Variants in OTOF observed in about 807,000 individuals in gnomAD.
OTOF encodes the protein fer-1-like family member 2.
OTOF carries 218 observed loss-of-function variants against 236.8 expected under a neutral mutation model. The ratio of observed to expected loss-of-function variants is 0.92; its 90% CI spans 0.82 to 1.03. OTOF has a LOEUF of 1.03. Among genes scored for constraint, OTOF ranks in the 50% least tolerant of loss-of-function variants. OTOF has a pLI of 0.00. For synonymous variants in OTOF, 1,041 were observed against 1,072.5 expected (o/e 0.97, Z 0.57); for missense variants, 2,590 against 2,694.4 (o/e 0.96, Z 0.86).
Position 26,475,539 on chromosome 2 carries a change from G to A in OTOF, c.2992-46C>T, listed in dbSNP as rs111746551. The A allele has an allele frequency of 1.2e-5, 19 of 1,602,954 alleles. No individual in the cohort carries two copies. In the South Asian group the frequency reaches 1.8e-4, roughly 15 times the overall value. ...ACAGGGGACAAGTGACAGAGGGGGG[G>A]GCAGATGCACAAACAGAAGCCACCC... is the stretch of plus-strand genomic sequence containing the variant. On this transcript the variant is annotated intron_variant, in intron 24 of 46. Coordinates refer to ENST00000272371, the MANE Select transcript of OTOF (RefSeq NM_194248.3).
At chr2:26,481,560 T>C (rs935686549) in intron 14 of OTOF, among the ~76,000 whole-genome samples, 1 of 152,224 alleles carries the variant, frequency 6.6e-6, no homozygotes, top group Non-Finnish European at 1.5e-5. Flanking sequence ...TTCCTTTTTA[T>C]TCTGCCTTTT....
chr2:26,502,205 C>A, intron 7 of OTOF, 95 bp downstream of exon 7: 3 of 1,364,192 alleles, frequency 2.2e-6, no homozygotes, highest in Non-Finnish European at 3.1e-6. Context: ...GTCCATGAGC[C>A]CTGATTCTTC....
chr2:26,460,502 C>T lies in OTOF; in HGVS notation c.5813+145G>A. 2.8e-6 allele frequency: 2 copies of T among 721,134 alleles called. No homozygotes were observed. The highest frequency in any genetic ancestry group is 1.6e-5 in the South Asian group (1 of 61,214). The allele number at this position is 721,134 out of a possible 1,614,324, so 44.7% of individuals were successfully genotyped here. A position where few individuals can be genotyped will look rare whatever the true frequency, so the allele number is the denominator to read the frequency against. ...TGGTTCAAAGGGACGTTGTGGGATT[C>T]AGGGTTGGCAGAGGGCAGGGAGGAG... On this transcript the variant is annotated intron_variant, in intron 45 of 46. Transcript: ENST00000272371. This position sits in a 1 kb window ranked among gnomAD's most constrained non-coding sequence, Gnocchi z 5.3.
At position 26,476,260 on chromosome 2, in the gene OTOF, G is replaced by C. The variant is rs990051140; in HGVS notation, c.2734C>G (p.Leu912Val). 38 of 1,605,820 alleles carry C rather than the reference G, an allele frequency of 2.4e-5. No individual in the cohort carries two copies. The highest frequency in any genetic ancestry group is 3.1e-5 in the Non-Finnish European group (37 of 1,179,784). Residue 912 changes from leucine to valine, a missense_variant, in exon 23 of 47, where the codon CTG (leucine) becomes GTG (valine). Leu to Val is a conservative substitution (Grantham distance 32). Around this residue, in one of 2 missense-constraint regions of OTOF, gnomAD observed 1,379 missense variants for 1,341.6 expected, o/e 1.03. Transcript: ENST00000272371. ...AGWTVQAKVE[L>V]YLWLGLSKQR... is the part of the protein sequence containing the mutation. ...TTGCTGAGGCCCAGCCACAGGTACA[G>C]CTCCACCTTGGCCTGCACTGTCCAG... is the stretch of plus-strand genomic sequence containing the variant.
At position 26,482,611 on chromosome 2, in the gene OTOF, C is replaced by T; in HGVS notation, c.1393-19G>A. On this transcript the variant is annotated intron_variant, in intron 13 of 46. Coordinates refer to ENST00000272371, the MANE Select transcript of OTOF (RefSeq NM_194248.3). ...TCTTGCCCTGGTGGAAGGGGGAGCA[C>T]AGGTGAGGGCGTGGCATGTGTGTGT... 1.2e-6 allele frequency: 2 copies of T among 1,607,780 alleles called. No homozygotes were observed. The highest frequency in any genetic ancestry group is 1.7e-6 in the Non-Finnish European group (2 of 1,176,242).
Position 26,494,942 on chromosome 2 carries a change from C to T in OTOF, c.897G>A (p.Glu299=), listed in dbSNP as rs1327346323. 7 of 1,614,160 alleles carry T rather than the reference C, an allele frequency of 4.3e-6. No homozygotes were observed. The highest frequency in any genetic ancestry group is 1.1e-5 in the South Asian group (1 of 91,080). ...KESTNCPYYN[E]YFVFDFHVSP... ...CTCCTTTCCCCACAGGGCCACTGAC[C>T]TCGTTGTAATAGGGGCAGTTAGTGG... Residue 299 remains glutamate (E), a splice_region_variant and synonymous_variant, in exon 9 of 47, where the codon GAG becomes GAA. Coordinates refer to ENST00000272371, the MANE Select transcript of OTOF (RefSeq NM_194248.3).
intron 29 of OTOF, 141 bp from the exon 30 acceptor site, chr2:26,472,790 A>G: frequency 1.1e-6 from 1 of 874,834 alleles, no homozygotes; most frequent in Non-Finnish European, 1.8e-6. Flanking sequence ...CAAGGGAGAA[A>G]ATATGGGCAT....
chr2:26,512,022 A>G (rs1417953036), intron 5 of OTOF, among the ~76,000 whole-genome samples: 1 of 152,140 alleles, frequency 6.6e-6, no homozygotes, highest in Non-Finnish European at 1.5e-5. Context: ...GGAGGAAGTT[A>G]CCTGGCTTCT....
In OTOF at chr2:26,558,609, G is replaced by A. The variant is rs762740199; in HGVS notation, c.-38C>T. On this transcript the variant is annotated 5_prime_UTR_variant, in exon 1 of 47. Coordinates refer to ENST00000272371, the MANE Select transcript of OTOF (RefSeq NM_194248.3). Reference sequence around the variant, plus strand: ...TGCCTGGCACTGCCAGGCAGGAGCAGCGGGAAGGAGCTAGCCGGTGGAGCA... The same window carrying A: ...TGCCTGGCACTGCCAGGCAGGAGCAACGGGAAGGAGCTAGCCGGTGGAGCA... 2.6e-6 allele frequency: 4 copies of A among 1,550,658 alleles called. No homozygotes were observed. In the East Asian group the frequency reaches 6.7e-5, roughly 26 times the overall value.
In OTOF at chr2:26,479,245, C is replaced by T; in HGVS notation, c.2214+19G>A. ...TCCCCCAGGACCCCACCCCTGCTGG[C>T]CCCTGGCCTGGCCCTGACCAGCTTG... On this transcript the variant is annotated intron_variant, in intron 18 of 46. Transcript: ENST00000272371. The T allele has an allele frequency of 6.2e-7, 1 of 1,611,990 alleles. No homozygotes were observed. Among genetic ancestry groups the T allele is most frequent in the Non-Finnish European group, 8.5e-7 (1 of 1,179,684 alleles).
At chr2:26,552,464 C>T (rs1211718363) in intron 1 of OTOF, among the ~76,000 whole-genome samples, 1 of 152,218 alleles carries the variant, frequency 6.6e-6, no homozygotes, top group Non-Finnish European at 1.5e-5. Flanking sequence ...ATAACCAAGA[C>T]TTCCCAATTC....
intron 1 of OTOF, among the ~76,000 whole-genome samples, chr2:26,543,871 C>T (rs1667265971): frequency 6.6e-6 from 1 of 152,216 alleles, no homozygotes; most frequent in Non-Finnish European, 1.5e-5. Flanking sequence ...CGTGTGCCAC[C>T]ATGCCTGGCT....
chr2:26,486,967 G>C (rs1665715465), intron 11 of OTOF, among the ~76,000 whole-genome samples: 1 of 152,172 alleles, frequency 6.6e-6, no homozygotes, highest in Non-Finnish European at 1.5e-5. Flanking sequence ...CCTCCTTTAT[G>C]ATCTATGAGG....
At position 26,499,817 on chromosome 2, in the gene OTOF, G is replaced by A. The variant is rs117820482; in HGVS notation, c.765+1937C>T. ...GCCTGCTTTTATTGCATTATACACT[G>A]TATGTATTGGAAGTGAAAATAATTT... On this transcript the variant is annotated intron_variant, in intron 8 of 46. Coordinates refer to ENST00000272371, the MANE Select transcript of OTOF (RefSeq NM_194248.3). Among the ~76,000 whole-genome samples the A allele has an allele frequency of 1.6e-3, 245 of 152,260 alleles. 4 individuals are homozygous for A. In the East Asian group the frequency reaches 0.038, roughly 23 times the overall value.
At chr2:26,486,438 A>G (rs1665703384) in intron 11 of OTOF, among the ~76,000 whole-genome samples, 1 of 152,060 alleles carries the variant, frequency 6.6e-6, no homozygotes, top group Non-Finnish European at 1.5e-5. Context: ...GGATTTGTAG[A>G]TGGGTGGGTG....
rs1281258717 is a variant in OTOF, at chr2:26,460,003, C to A, written c.*17+5G>T. ...GTCCAGAGGAAGAAGTAAGAAATAT[C>A]AGACCCAGGAGGCCACTGGGCTCAG... On this transcript the variant is annotated splice_donor_5th_base_variant and intron_variant, in intron 46 of 46. Transcript: ENST00000272371. This position sits in a 1 kb window ranked among gnomAD's most constrained non-coding sequence, Gnocchi z 5.3. 1 of 1,557,804 alleles carries A rather than the reference C, an allele frequency of 6.4e-7. No individual in the cohort carries two copies. Among genetic ancestry groups the A allele is most frequent in the Non-Finnish European group, 8.7e-7 (1 of 1,150,894 alleles).
At position 26,549,078 on chromosome 2, in the gene OTOF, G is replaced by A. The variant is rs557901407; in HGVS notation, c.79+9415C>T. On this transcript the variant is annotated intron_variant, in intron 1 of 46. Transcript: ENST00000272371. ...TACTTAAAATGATAAATGTTAATAT[G>A]TTGTATTTTCATTATAATTCAGTTA... Among the ~76,000 whole-genome samples, 6 of 152,216 alleles carry A rather than the reference G, an allele frequency of 3.9e-5. No individual in the cohort carries two copies. The South Asian group carries it at 1.2e-3, about 32-fold the overall frequency.
At chr2:26,526,133 A>AGGT (rs397984135) in intron 3 of OTOF, among the ~76,000 whole-genome samples, 10 of 147,524 alleles carry the variant, frequency 6.8e-5, no homozygotes, top group Non-Finnish European at 1.5e-4. Flanking sequence ...GGAAGGATGG[A>AGGT]TGAATGGATG....
At chr2:26,488,506 C>A (rs557709416) in intron 11 of OTOF, among the ~76,000 whole-genome samples, 1 of 152,338 alleles carries the variant, frequency 6.6e-6, no homozygotes, top group African/African-American at 2.4e-5. Context: ...AACACCATTG[C>A]TGTTACCCTA....
Sources: allele counts gnomAD v4.1 joint callset (sites outside exome capture counted in the v4.1 genomes callset), GRCh38; gene constraint gnomAD v4.1.1; regional missense constraint gnomAD v4.1.1; non-coding constraint Gnocchi (gnomAD v3.1); transcripts MANE v1.5; gene names NCBI Gene and HGNC (gene_info 2026-07-23, HGNC 2026-07-21).